Variants in LAMB1 observed in about 807,000 individuals in gnomAD.
LAMB1 encodes the protein laminin subunit beta-1.
Under a neutral mutation model 222.3 loss-of-function variants are expected in LAMB1, and 121 were observed. The observed-to-expected ratio is 0.54, with a 90% CI of 0.47 to 0.63. The LOEUF is 0.63. Among genes scored for constraint, LAMB1 ranks in the 30% least tolerant of loss-of-function variants. The pLI is 0.00. For synonymous variants in LAMB1, 794 were observed against 807.2 expected (o/e 0.98, Z 0.28); for missense variants, 2,172 against 2,240.8 (o/e 0.97, Z 0.62).
intron 27 of LAMB1, among the ~76,000 whole-genome samples, chr7:107,935,095 G>T (rs1219014196): frequency 6.6e-6 from 1 of 151,808 alleles, no homozygotes; most frequent in Non-Finnish European, 1.5e-5. Flanking sequence ...AGTGTAAAAA[G>T]GATCAAGTTT....
At chr7:107,937,037 G>A (rs986676553) in intron 26 of LAMB1, 56 bp downstream of exon 26, 78 of 1,434,216 alleles carry the variant, frequency 5.4e-5, no homozygotes, top group African/African-American at 4.4e-4. Flanking sequence ...ATATTAAAAC[G>A]TTAGACATAT....
chr7:107,966,134 C>G (rs1157538018), intron 13 of LAMB1, among the ~76,000 whole-genome samples: 1 of 151,926 alleles, frequency 6.6e-6, no homozygotes, highest in Admixed American at 6.6e-5. Flanking sequence ...CCTAAACGAC[C>G]CTGCCGCAGC....
rs557605064 is a variant in LAMB1 at position 107,978,419 on chromosome 7, A to G, written c.880-252T>C. ...ACAAGAAATATTTTACTGAGTATCT[A>G]TGAAAAGAACCCAGATGAAGAAAAT... is the stretch of plus-strand genomic sequence containing the variant. On this transcript the variant is annotated intron_variant, in intron 8 of 33. Transcript: ENST00000222399. 1.9e-4 allele frequency among the ~76,000 whole-genome samples: 29 copies of G among 151,956 alleles called. 1 individual carries two copies. The South Asian group carries it at 5.2e-3, about 27-fold the overall frequency.
At chr7:107,987,299 G>C (rs527869000) in intron 5 of LAMB1, among the ~76,000 whole-genome samples, 1 of 152,316 alleles carries the variant, frequency 6.6e-6, no homozygotes, top group South Asian at 2.1e-4. Flanking sequence ...GGGCTGGGCA[G>C]AGGGACAGTG....
At position 107,929,416 on chromosome 7, in the gene LAMB1, C is replaced by T; in HGVS notation, c.4741G>A (p.Ala1581Thr). ...AEMLLEEAKR[A>T]SKSATDVKVT... The stretch of plus-strand genomic sequence containing the variant: ...AGATGCCATGTCTTTAGATACCTTG[C>T]TCTTTTAGCTTCTTCTAACAACATC... The change falls in exon 30 of 34, where the codon GCA becomes ACA. Residue 1581 changes from alanine (A) to threonine (T), a missense_variant. Ala to Thr is a moderately conservative substitution (Grantham distance 58). Coordinates refer to ENST00000222399, the MANE Select transcript of LAMB1 (RefSeq NM_002291.3). 7 of 1,613,456 alleles carry T rather than the reference C, an allele frequency of 4.3e-6. No individual in the cohort carries two copies. Among genetic ancestry groups the T allele is most frequent in the Middle Eastern group, 1.6e-4 (1 of 6,062 alleles).
At chr7:107,984,568 A>T (rs1302496048) in intron 7 of LAMB1, among the ~76,000 whole-genome samples, 1 of 152,116 alleles carries the variant, frequency 6.6e-6, no homozygotes, top group Non-Finnish European at 1.5e-5. Flanking sequence ...CTTTAAATGG[A>T]ATTTGCTTGC....
chr7:107,959,470 G>A lies in LAMB1; in HGVS notation c.2469C>T (p.Cys823=). ...FGPSGCKPCE[C]HLQGSVNAFC... Reference sequence around the variant, plus strand: ...AGGCATTGACAGATCCTTGCAGATGGCACTCACAAGCTAAAGAAACAGGCA... The same window carrying A: ...AGGCATTGACAGATCCTTGCAGATGACACTCACAAGCTAAAGAAACAGGCA... The change falls in exon 20 of 34, where the codon TGC becomes TGT. Residue 823 remains cysteine (C), a synonymous_variant. Transcript: ENST00000222399. The A allele has an allele frequency of 6.2e-7, 1 of 1,614,056 alleles. No homozygotes were observed. The highest frequency in any genetic ancestry group is 8.5e-7 in the Non-Finnish European group (1 of 1,179,972).
intron 3 of LAMB1, chr7:108,000,000 C>T (rs527937349): frequency 6.2e-4 from 94 of 152,158 alleles, no homozygotes; most frequent in African/African-American, 2.1e-3. Context: ...GCTTTTAATA[C>T]AAACAGTGTG....
At chr7:107,970,000 T>G (rs1247069923) in intron 13 of LAMB1, among the ~76,000 whole-genome samples, 1 of 152,200 alleles carries the variant, frequency 6.6e-6, no homozygotes, top group South Asian at 2.1e-4. Flanking sequence ...GTACAATAAA[T>G]TTTAGTCCCT....
chr7:108,001,910 G>A, intron 2 of LAMB1, 177 bp from the exon 3 acceptor site: 2 of 1,462,928 alleles, frequency 1.4e-6, no homozygotes, highest in Non-Finnish European at 9.1e-7. Flanking sequence ...GGGAAGGCAG[G>A]GACTCCGAAA....
Position 107,963,075 on chromosome 7 carries a change from G to C in LAMB1, c.1699-12C>G. The C allele has an allele frequency of 6.3e-7, 1 of 1,587,010 alleles. No individual in the cohort carries two copies. Among genetic ancestry groups the C allele is most frequent in the Non-Finnish European group, 8.6e-7 (1 of 1,164,970 alleles). On this transcript the variant is annotated splice_polypyrimidine_tract_variant and intron_variant, in intron 14 of 33. Transcript: ENST00000222399. ...ACTATGCTAACCCCCTGAGGGCATG[G>C]CAAACAATGGTTATTCTGTATTTGA...
At chr7:107,948,660 A>G (rs1288030763) in intron 24 of LAMB1, among the ~76,000 whole-genome samples, 2 of 152,192 alleles carry the variant, frequency 1.3e-5, no homozygotes, top group African/African-American at 4.8e-5. Flanking sequence ...CTGAGTAAAA[A>G]GAGGAGTATA....
At position 107,935,395 on chromosome 7, in the gene LAMB1, G is replaced by A; in HGVS notation, c.4188+20C>T. 7.1e-7 allele frequency: 1 copy of A among 1,402,250 alleles called. No homozygotes were observed. Among genetic ancestry groups the A allele is most frequent in the Non-Finnish European group, 9.8e-7 (1 of 1,021,844 alleles). The allele number at this position is 1,402,250 out of a possible 1,614,324, so 86.9% of individuals were successfully genotyped here. On this transcript the variant is annotated intron_variant, in intron 27 of 33. Transcript: ENST00000222399. ...TTTTGCTTGGCACCATAGCAGTAAG[G>A]CCACATCCCCAAACCTTACCATTTC...
intron 9 of LAMB1, among the ~76,000 whole-genome samples, chr7:107,976,499 C>T (rs745648676): frequency 2.6e-4 from 39 of 152,288 alleles, no homozygotes; most frequent in Non-Finnish European, 4.7e-4. Context: ...TTAATCATCT[C>T]GCTCTCGGGC....
chr7:107,937,558 A>G, intron 25 of LAMB1, among the ~76,000 whole-genome samples: 1 of 152,216 alleles, frequency 6.6e-6, no homozygotes, highest in Non-Finnish European at 1.5e-5. Flanking sequence ...CTGCTGTAAG[A>G]TGAGCACAGG....
chr7:107,987,881 C>A (rs1296809416), intron 5 of LAMB1, among the ~76,000 whole-genome samples: 1 of 152,056 alleles, frequency 6.6e-6, no homozygotes, highest in African/African-American at 2.4e-5. Flanking sequence ...AGAGGTTGGT[C>A]GGGGCAGGTA....
At chr7:107,998,075 C>T (rs2034314009) in intron 4 of LAMB1, among the ~76,000 whole-genome samples, 1 of 152,072 alleles carries the variant, frequency 6.6e-6, no homozygotes, top group South Asian at 2.1e-4. Flanking sequence ...CCCAGACAGC[C>T]CCCGGCACAC....
At chr7:107,996,099 TGTTAGGC>T (rs199744098) in intron 4 of LAMB1, among the ~76,000 whole-genome samples, 1,859 of 152,360 alleles carry the variant, frequency 0.012, 30 homozygotes, top group East Asian at 0.04. Flanking sequence ...TTGAGTGAAA[TGTTAGGC>T]AACTGTACAT....
At chr7:107,934,345 G>A (rs927282635) in intron 27 of LAMB1, among the ~76,000 whole-genome samples, 1 of 152,146 alleles carries the variant, frequency 6.6e-6, no homozygotes, top group Non-Finnish European at 1.5e-5. Context: ...CTGCGCCTAT[G>A]TACCTTCCAT....
Sources: gnomAD v4.1 joint callset for allele counts (sites outside exome capture counted in the v4.1 genomes callset) on GRCh38, gnomAD v4.1.1 for gene constraint, MANE v1.5 for transcripts, NCBI Gene and HGNC (gene_info 2026-07-23, HGNC 2026-07-21) for gene names.